Variants in EVL observed in about 807,000 individuals in gnomAD.
EVL encodes Enah/Vasp-like.
EVL carries 21 observed loss-of-function variants against 59.6 expected under a neutral mutation model. That is an observed-to-expected ratio of 0.35 (90% CI 0.25 to 0.51). The LOEUF is 0.51. EVL is among the 20% of genes least tolerant of loss of function. The pLI, the probability that EVL is intolerant of heterozygous loss-of-function variation, is 0.97. For missense variants in EVL, 462 were observed against 546.6 expected, an observed-to-expected ratio of 0.85 and a Z score of 1.54; for synonymous variants, 198 against 203.5, an observed-to-expected ratio of 0.97 and a Z score of 0.23.
At chr14:100,086,072 T>C (rs969056661) in intron 2 of EVL, among the ~76,000 whole-genome samples, 1 of 152,118 alleles carries the variant, frequency 6.6e-6, no homozygotes, top group African/African-American at 2.4e-5. Context: ...GAGCTTGCAG[T>C]GAGCCGAGAT....
At chr14:100,136,715 C>T (rs1268206665) in intron 9 of EVL, among the ~76,000 whole-genome samples, 1 of 152,142 alleles carries the variant, frequency 6.6e-6, no homozygotes, top group Non-Finnish European at 1.5e-5. Context: ...CATGTCCTCT[C>T]CTCCTAAGAT....
Position 100,084,799 on chromosome 14 carries a change from C to T in EVL, c.124C>T (p.His42Tyr). ...QQGFSRINIY[H>Y]NTASNTFRVV... ...GGGATTCAGCCGGATCAACATCTACCACAACACTGCCAGCAACACCTTCAG... is the reference window on the plus strand; with the variant it reads ...GGGATTCAGCCGGATCAACATCTACTACAACACTGCCAGCAACACCTTCAG... The change falls in exon 2 of 14, where the codon CAC (histidine) becomes TAC (tyrosine). Residue 42 changes from histidine to tyrosine, a missense_variant. His to Tyr is a moderately conservative substitution (Grantham distance 83, BLOSUM62 2). Coordinates refer to ENST00000392920, the MANE Select transcript of EVL (RefSeq NM_016337.3). 6.2e-7 allele frequency: 1 copy of T among 1,614,132 alleles called. No homozygotes were observed. The highest frequency in any genetic ancestry group is 8.5e-7 in the Non-Finnish European group (1 of 1,180,018).
intron 2 of EVL, among the ~76,000 whole-genome samples, chr14:100,096,422 A>C (rs74583347): frequency 0.041 from 6,229 of 152,258 alleles, 186 homozygotes; most frequent in African/African-American, 0.065. Context: ...ATATTTCTCC[A>C]TTCAGTCACT....
Position 100,132,753 on chromosome 14 carries a change from G to C in EVL, c.874G>C (p.Glu292Gln). 6.2e-7 allele frequency: 1 copy of C among 1,614,182 alleles called. No individual in the cohort carries two copies. Among genetic ancestry groups the C allele is most frequent in the Non-Finnish European group, 8.5e-7 (1 of 1,180,036 alleles). ...KAASQSDKPA[E>Q]KKEDESQMED... ...AGCCTCCCAGTCAGACAAGCCAGCC[G>C]AGAAGAAGGAAGATGAAAGCCAAAT... is the stretch of plus-strand genomic sequence containing the variant. The change falls in exon 8 of 14, where the codon GAG (glutamate) becomes CAG (glutamine). Residue 292 changes from glutamate (E) to glutamine (Q), a missense_variant. By Grantham distance (29) the Glu-to-Gln change is conservative (BLOSUM62 2). Transcript: ENST00000392920.
intron 1 of EVL, among the ~76,000 whole-genome samples, chr14:100,024,246 G>A (rs1862717760): frequency 6.6e-6 from 1 of 152,134 alleles, no homozygotes; most frequent in African/African-American, 2.4e-5. Flanking sequence ...AAATGTGATG[G>A]TTTTTCTTGC....
Position 100,130,495 on chromosome 14 carries a change from G to C in EVL, c.839+811G>C, listed in dbSNP as rs189905291. ...CAGAGGAAGCTGCAGCGGGGGCCCTGCTCCCTTGGTAACCCCACCTCCACC... is the reference window on the plus strand; with the variant it reads ...CAGAGGAAGCTGCAGCGGGGGCCCTCCTCCCTTGGTAACCCCACCTCCACC... On this transcript the variant is annotated intron_variant, in intron 7 of 13. Transcript: ENST00000392920. This position sits in a 1 kb window ranked among gnomAD's most constrained non-coding sequence, Gnocchi z 4.8. Among the ~76,000 whole-genome samples, 882 of 152,348 alleles carry C rather than the reference G, an allele frequency of 5.8e-3. 8 individuals are homozygous for C. Among genetic ancestry groups the C allele is most frequent in the African/African-American group, 0.02 (834 of 41,586 alleles).
At chr14:100,054,622 A>G (rs981903145) in intron 1 of EVL, among the ~76,000 whole-genome samples, 3 of 151,996 alleles carry the variant, frequency 2.0e-5, no homozygotes, top group African/African-American at 7.3e-5. Context: ...AGAATTATTC[A>G]GGTATAGCTT....
intron 1 of EVL, among the ~76,000 whole-genome samples, chr14:100,034,406 C>G (rs1196770434): frequency 6.6e-6 from 1 of 152,010 alleles, no homozygotes; most frequent in Non-Finnish European, 1.5e-5. Context: ...AGTTTACATT[C>G]TAGAAAACAC....
intron 1 of EVL, among the ~76,000 whole-genome samples, chr14:100,031,360 C>T (rs763357212): frequency 6.6e-5 from 10 of 152,056 alleles, no homozygotes; most frequent in South Asian, 2.1e-4. Flanking sequence ...AATGATGCTG[C>T]GTTAGTTTAT....
chr14:100,036,860 C>T (rs1411073316), intron 1 of EVL, among the ~76,000 whole-genome samples: 1 of 152,112 alleles, frequency 6.6e-6, no homozygotes, highest in Non-Finnish European at 1.5e-5. Context: ...TGACTTTATT[C>T]AGAGATAGGG....
Position 100,137,592 on chromosome 14 carries a change from C to T in EVL, c.979C>T (p.Pro327Ser), listed in dbSNP as rs977025383. The change falls in exon 10 of 14, where the codon CCC (proline) becomes TCC (serine). Residue 327 changes from proline to serine, a missense_variant. Pro to Ser is a moderately conservative substitution (Grantham distance 74). Transcript: ENST00000392920. ...PPNSSEAGRK[P>S]WERSNSVEKP... ...TGAACTGACAGAGGCTGGCCGGAAGCCCTGGGAGCGGAGCAACTCGGTGGA... is the reference window on the plus strand; with the variant it reads ...TGAACTGACAGAGGCTGGCCGGAAGTCCTGGGAGCGGAGCAACTCGGTGGA... 3.1e-5 allele frequency: 50 copies of T among 1,613,874 alleles called. No homozygotes were observed. The highest frequency in any genetic ancestry group is 4.1e-5 in the Non-Finnish European group (48 of 1,180,034).
At chr14:100,137,714 ATG>A in intron 10 of EVL, 24 bp from the exon 11 acceptor site, 2 of 1,613,926 alleles carry the variant, frequency 1.2e-6, no homozygotes, top group Non-Finnish European at 1.7e-6. Flanking sequence ...GCCGATTCAC[ATG>A]TCTGTTTCAT....
chr14:100,047,770 C>G (rs1404936541), intron 1 of EVL, among the ~76,000 whole-genome samples: 1 of 152,036 alleles, frequency 6.6e-6, no homozygotes, highest in Non-Finnish European at 1.5e-5. Flanking sequence ...TACAAGTTAC[C>G]CTACAGAGAG....
At position 100,128,637 on chromosome 14, in the gene EVL, TCCCCCA is replaced by T; in HGVS notation, c.614_619del (p.Pro205_Pro206del). 1 of 670,566 alleles carries T rather than the reference TCCCCCA, an allele frequency of 1.5e-6. No individual in the cohort carries two copies. Among genetic ancestry groups the T allele is most frequent in the Non-Finnish European group, 2.1e-6 (1 of 485,224 alleles). 41.5% of individuals were successfully genotyped at this position (670,566 alleles called of 1,614,324 possible). On this transcript the variant is annotated inframe_deletion, in exon 6 of 14. Transcript: ENST00000392920. ...CTCCACCCACTGGGGCTACCCCACC[TCCCCCA>T]CCCCCACTGCCAGCCGGAGGAGCCC... is the stretch of plus-strand genomic sequence containing the variant.
intron 1 of EVL, among the ~76,000 whole-genome samples, chr14:100,072,418 A>G (rs1204419303): frequency 6.6e-6 from 1 of 152,164 alleles, no homozygotes; most frequent in Non-Finnish European, 1.5e-5. Flanking sequence ...TATTTTTAGT[A>G]GAGATGGGGT....
At position 100,129,590 on chromosome 14, in the gene EVL, C is replaced by T. The variant is rs1425552162; in HGVS notation, c.745C>T (p.Pro249Ser). Residue 249 changes from proline to serine, a missense_variant, in exon 7 of 14, where the codon CCC (proline) becomes TCC (serine). Physicochemically the swap from Pro to Ser is moderately conservative, Grantham distance 74 (BLOSUM62 -1). Transcript: ENST00000392920. ...RPEDASGGSS[P>S]SGTSKSDANR... ...AGAAGACGCATCTGGAGGCTCCAGT[C>T]CCAGTGGGACCTCAAAGTCCGATGC... 5 of 1,613,720 alleles carry T rather than the reference C, an allele frequency of 3.1e-6. No homozygotes were observed. The highest frequency in any genetic ancestry group is 4.2e-6 in the Non-Finnish European group (5 of 1,179,946).
intron 1 of EVL, among the ~76,000 whole-genome samples, chr14:100,003,933 G>T (rs1465338835): frequency 6.6e-6 from 1 of 152,162 alleles, no homozygotes; most frequent in African/African-American, 2.4e-5. Context: ...GGACAGATGC[G>T]GTGGCTCACA....
intron 11 of EVL, chr14:100,140,369 G>C (rs1402199329): frequency 1.3e-5 from 2 of 152,270 alleles, no homozygotes; most frequent in Non-Finnish European, 2.9e-5. Context: ...CCAGCACTCT[G>C]GGAGGCCCAG....
intron 1 of EVL, among the ~76,000 whole-genome samples, chr14:99,994,534 G>T (rs937186485): frequency 6.0e-5 from 9 of 150,634 alleles, no homozygotes; most frequent in Non-Finnish European, 1.0e-4. Context: ...TTTCTGTTGC[G>T]TTAAAAACTC....
Sources: gnomAD v4.1 joint callset for allele counts (sites outside exome capture counted in the v4.1 genomes callset) on GRCh38, gnomAD v4.1.1 for gene constraint, Gnocchi (gnomAD v3.1) non-coding constraint, MANE v1.5 for transcripts, NCBI Gene and HGNC (gene_info 2026-07-23, HGNC 2026-07-21) for gene names.